Variants in NFIB observed in about 807,000 individuals in gnomAD.
NFIB encodes the protein nuclear factor I B.
A neutral mutation model predicts 61.5 loss-of-function variants in NFIB; 11 were observed. The observed-to-expected ratio is 0.18, with a 90% CI of 0.11 to 0.30. The LOEUF (loss-of-function observed/expected upper bound fraction) is 0.30, where lower values mean the gene tolerates loss of function less well. NFIB is among the 10% of genes least tolerant of loss of function. NFIB has a pLI of 1.00. For missense variants in NFIB, 471 were observed against 608.9 expected, an observed-to-expected ratio of 0.77 and a Z score of 2.38; for synonymous variants, 260 against 216.5, an observed-to-expected ratio of 1.20 and a Z score of -1.76.
At chr9:14,411,315 AC>A in the NFIB span, among the ~76,000 whole-genome samples, 1 of 152,216 alleles carries the variant, frequency 6.6e-6, no homozygotes, top group Admixed American at 6.5e-5. Flanking sequence ...TAATAATGAT[AC>A]AAATCCGGTA....
intron 2 of NFIB, among the ~76,000 whole-genome samples, chr9:14,274,477 G>A (rs1471711290): frequency 6.6e-6 from 1 of 152,154 alleles, no homozygotes; most frequent in East Asian, 1.9e-4. Context: ...GCTGGGCTGA[G>A]CAGCTTTTCT....
intron 2 of NFIB, among the ~76,000 whole-genome samples, chr9:14,264,808 G>C (rs2057066220): frequency 6.6e-6 from 1 of 152,066 alleles, no homozygotes; most frequent in Non-Finnish European, 1.5e-5. Flanking sequence ...AAGGAAATCT[G>C]GGCTATCCCC....
intron 3 of NFIB, among the ~76,000 whole-genome samples, chr9:14,160,831 CA>C (rs36063048): frequency 0.039 from 3,766 of 96,298 alleles, 110 homozygotes; most frequent in African/African-American, 0.13. Flanking sequence ...AAGGAAATCT[CA>C]AAAAAAAAAA....
At chr9:14,327,326 C>T (rs1293775126) in intron 1 of NFIB, among the ~76,000 whole-genome samples, 1 of 152,218 alleles carries the variant, frequency 6.6e-6, no homozygotes, top group Admixed American at 6.5e-5. Context: ...GTCACAGATT[C>T]CTGTTGGCAT....
intron 2 of NFIB, among the ~76,000 whole-genome samples, chr9:14,232,415 T>A (rs901930836): frequency 2.6e-5 from 4 of 152,162 alleles, no homozygotes; most frequent in Non-Finnish European, 5.9e-5. Flanking sequence ...AAATGCACAG[T>A]GGTCCTGGAT....
intron 3 of NFIB, among the ~76,000 whole-genome samples, chr9:14,157,434 A>G (rs2043560220): frequency 6.6e-6 from 1 of 152,194 alleles, no homozygotes; most frequent in South Asian, 2.1e-4. Context: ...AGAATGAAAG[A>G]AGGAGTGAGA....
rs755424065 is a variant in NFIB at position 14,179,743 on chromosome 9, A to C, written c.600T>G (p.Pro200=). Residue 200 remains proline (P), a synonymous_variant, in exon 3 of 11, where the codon CCT becomes CCG. Transcript: ENST00000380953. ...CATATTTACCTGGAGGATTCTTGGCAGGATCATTGTGGCTTGGACTTCCTG... is the reference window on the plus strand; with the variant it reads ...CATATTTACCTGGAGGATTCTTGGCCGGATCATTGTGGCTTGGACTTCCTG... ...GQSGSPSHND[P]AKNPPGYLED... 1 of 1,613,702 alleles carries C rather than the reference A, an allele frequency of 6.2e-7. No homozygotes were observed. Among genetic ancestry groups the C allele is most frequent in the South Asian group, 1.1e-5 (1 of 91,026 alleles).
chr9:14,446,330 T>A, the NFIB span, among the ~76,000 whole-genome samples: 1 of 152,216 alleles, frequency 6.6e-6, no homozygotes, highest in African/African-American at 2.4e-5. Context: ...AGATACTGTC[T>A]CTGCTTAATT....
chr9:14,177,561 C>T (rs1386734460), intron 3 of NFIB, among the ~76,000 whole-genome samples: 2 of 151,944 alleles, frequency 1.3e-5, no homozygotes, highest in Admixed American at 6.5e-5. Flanking sequence ...ATTTTACATT[C>T]TGGATAATTA....
intron 1 of NFIB, among the ~76,000 whole-genome samples, chr9:14,379,925 C>T (rs12342715): frequency 0.33 from 50,689 of 151,664 alleles, 8,900 homozygotes; most frequent in Middle Eastern, 0.4. Context: ...TCAGGTGATC[C>T]GCCCACTTCA....
intron 1 of NFIB, among the ~76,000 whole-genome samples, chr9:14,377,273 T>C (rs1044161615): frequency 3.3e-5 from 5 of 152,198 alleles, no homozygotes; most frequent in South Asian, 2.1e-4. Context: ...AAGACTGGGG[T>C]GCAATGGGAT....
At chr9:14,371,082 G>A (rs1019434463) in intron 1 of NFIB, among the ~76,000 whole-genome samples, 2 of 152,096 alleles carry the variant, frequency 1.3e-5, no homozygotes, top group Admixed American at 6.5e-5. Flanking sequence ...GTGATAGAGC[G>A]AGACCCTGTC....
intron 2 of NFIB, among the ~76,000 whole-genome samples, chr9:14,205,224 G>C (rs1447868954): frequency 7.0e-4 from 1 of 1,422 alleles, no homozygotes. Flanking sequence ...AGGGAGGGGA[G>C]GGGAGGGGGA....
the NFIB span, among the ~76,000 whole-genome samples, chr9:14,438,057 T>C: frequency 2.0e-5 from 3 of 149,674 alleles, no homozygotes; most frequent in Non-Finnish European, 4.5e-5. Flanking sequence ...TGTGCACGCA[T>C]GTGTGTGTGT....
At chr9:14,409,938 T>G in the NFIB span, among the ~76,000 whole-genome samples, 1 of 152,184 alleles carries the variant, frequency 6.6e-6, no homozygotes, top group Non-Finnish European at 1.5e-5. Context: ...GAATGAATGT[T>G]CAATATTATG....
the NFIB span, among the ~76,000 whole-genome samples, chr9:14,435,548 A>AC: frequency 6.6e-6 from 1 of 152,250 alleles, no homozygotes; most frequent in Non-Finnish European, 1.5e-5. Context: ...ACAGATAAGT[A>AC]CATGTCAACC....
chr9:14,174,721 C>T lies in NFIB; in HGVS notation c.616+5006G>A, dbSNP rs1047962136. 1.3e-4 allele frequency among the ~76,000 whole-genome samples: 19 copies of T among 147,920 alleles called. No individual in the cohort carries two copies. The South Asian group carries it at 3.6e-3, about 28-fold the overall frequency. The stretch of plus-strand genomic sequence containing the variant: ...GGCAGAGGTTGCAGTGAGCCGAGAT[C>T]ACGCCACTGCACTCCATCCTGGGCG... On this transcript the variant is annotated intron_variant, in intron 3 of 10. Coordinates refer to ENST00000380953, the MANE Select transcript of NFIB (RefSeq NM_001190737.2).
At chr9:14,156,836 G>T (rs184895733) in intron 3 of NFIB, among the ~76,000 whole-genome samples, 30 of 152,240 alleles carry the variant, frequency 2.0e-4, no homozygotes, top group African/African-American at 7.2e-4. Flanking sequence ...CCTCAGAATT[G>T]AAATACATCT....
chr9:14,155,820 C>A lies in NFIB; in HGVS notation c.685+5G>T. 2 of 1,548,176 alleles carry A rather than the reference C, an allele frequency of 1.3e-6. No individual in the cohort carries two copies. Among genetic ancestry groups the A allele is most frequent in the Admixed American group, 1.9e-5 (1 of 52,772 alleles). On this transcript the variant is annotated splice_donor_5th_base_variant and intron_variant, in intron 4 of 10. Transcript: ENST00000380953. ...GCTTAAGTAGTAACAAAACAATTTA[C>A]TTACTTCTGGATACTCTTACAAGTT...
Sources: allele counts gnomAD v4.1 joint callset (sites outside exome capture counted in the v4.1 genomes callset), GRCh38; gene constraint gnomAD v4.1.1; transcripts MANE v1.5; gene names NCBI Gene and HGNC (gene_info 2026-07-23, HGNC 2026-07-21).